The following MGMT variants were observed in gnomAD, a reference collection of about 807,000 sequenced individuals.
The protein encoded by MGMT is methylated-DNA--protein-cysteine methyltransferase.
Under a neutral mutation model 15.9 loss-of-function variants are expected in MGMT, and 14 were observed. That is an observed-to-expected ratio of 0.88 (90% CI 0.58 to 1.37). MGMT has a LOEUF of 1.37. MGMT is among the 40% of genes most tolerant of loss of function. The pLI is 0.00. For missense variants in MGMT, 282 were observed against 268.1 expected (o/e 1.05, Z -0.36); for synonymous variants, 130 against 118.2 (o/e 1.10, Z -0.65).
At chr10:129,573,487 C>T (rs1846443347) in intron 2 of MGMT, among the ~76,000 whole-genome samples, 1 of 152,112 alleles carries the variant, frequency 6.6e-6, no homozygotes, top group Non-Finnish European at 1.5e-5. Context: ...GGTGCTTACA[C>T]AAAGGCCTTT....
chr10:129,488,040 C>CACACACAT (rs1196132625), intron 1 of MGMT, among the ~76,000 whole-genome samples: 1 of 148,486 alleles, frequency 6.7e-6, no homozygotes, highest in South Asian at 2.1e-4. Context: ...CACACACACA[C>CACACACAT]ATGAATATAC....
chr10:129,526,641 A>G (rs966858189), intron 1 of MGMT, among the ~76,000 whole-genome samples: 12 of 152,192 alleles, frequency 7.9e-5, no homozygotes, highest in African/African-American at 2.7e-4. Context: ...CCGCAGGTGC[A>G]CGTCACCACA....
intron 2 of MGMT, among the ~76,000 whole-genome samples, chr10:129,564,324 C>CT (rs1302258522): frequency 3.7e-4 from 16 of 43,500 alleles, no homozygotes; most frequent in East Asian, 3.2e-3. Flanking sequence ...CTTCCTCCCC[C>CT]CTCTTTCCTC....
chr10:129,524,210 C>T (rs1450187008), intron 1 of MGMT, among the ~76,000 whole-genome samples: 1 of 152,244 alleles, frequency 6.6e-6, no homozygotes, highest in African/African-American at 2.4e-5. Flanking sequence ...TGCACTACCT[C>T]CCGCCCTCAA....
At chr10:129,526,070 C>T (rs1274415765) in intron 1 of MGMT, among the ~76,000 whole-genome samples, 3 of 152,194 alleles carry the variant, frequency 2.0e-5, no homozygotes, top group South Asian at 2.1e-4. Context: ...CTGGATGTGA[C>T]CCAGCCGAAT....
chr10:129,513,587 A>G (rs925643453), intron 1 of MGMT, among the ~76,000 whole-genome samples: 1 of 151,978 alleles, frequency 6.6e-6, no homozygotes, highest in Admixed American at 6.5e-5. Flanking sequence ...AGGAAACGTG[A>G]CCCCGCGGCT....
chr10:129,499,328 AT>A (rs1845553080), intron 1 of MGMT, among the ~76,000 whole-genome samples: 2 of 152,206 alleles, frequency 1.3e-5, no homozygotes, highest in Admixed American at 1.3e-4. Context: ...TTCATTACTT[AT>A]TTCGTTACTC....
intron 2 of MGMT, among the ~76,000 whole-genome samples, chr10:129,690,987 G>A (rs575712310): frequency 1.3e-5 from 2 of 152,324 alleles, no homozygotes; most frequent in African/African-American, 4.8e-5. Context: ...ACTGGAGTGT[G>A]AAGAGGCCAG....
chr10:129,741,866 C>T (rs1309420344), intron 3 of MGMT, among the ~76,000 whole-genome samples: 2 of 152,150 alleles, frequency 1.3e-5, no homozygotes, highest in African/African-American at 2.4e-5. Context: ...CTGGGCCCAC[C>T]GTCCAGGCCT....
chr10:129,576,274 C>G (rs995975789), intron 2 of MGMT, among the ~76,000 whole-genome samples: 3 of 152,066 alleles, frequency 2.0e-5, no homozygotes, highest in Non-Finnish European at 4.4e-5. Context: ...AACATTGATG[C>G]AAAAATCCTC....
intron 3 of MGMT, among the ~76,000 whole-genome samples, chr10:129,710,433 C>T (rs768825392): frequency 2.6e-5 from 4 of 152,160 alleles, no homozygotes; most frequent in Non-Finnish European, 4.4e-5. Context: ...GGCTGGAGTC[C>T]CCTGGGCCAG....
chr10:129,521,786 C>T (rs1050004957), intron 1 of MGMT, among the ~76,000 whole-genome samples: 4 of 152,366 alleles, frequency 2.6e-5, no homozygotes, highest in Middle Eastern at 3.4e-3. Context: ...GAGGCTGCAC[C>T]TTGCTGTCCA....
At chr10:129,765,853 C>T (rs979809206) in intron 4 of MGMT, among the ~76,000 whole-genome samples, 1 of 152,140 alleles carries the variant, frequency 6.6e-6, no homozygotes, top group African/African-American at 2.4e-5. Context: ...TACATGGAAA[C>T]CAGAGGCAGG....
intron 2 of MGMT, among the ~76,000 whole-genome samples, chr10:129,689,592 C>G (rs2133126770): frequency 6.6e-6 from 1 of 152,262 alleles, no homozygotes; most frequent in East Asian, 1.9e-4. Flanking sequence ...CTTCGGTTAC[C>G]ACAAGCACAC....
At chr10:129,680,012 T>C (rs969524705) in intron 2 of MGMT, among the ~76,000 whole-genome samples, 1 of 152,166 alleles carries the variant, frequency 6.6e-6, no homozygotes, top group African/African-American at 2.4e-5. Context: ...GGCTGGAAAA[T>C]GTCTTCGATT....
intron 2 of MGMT, among the ~76,000 whole-genome samples, chr10:129,654,913 A>G (rs1176845164): frequency 1.3e-5 from 2 of 152,188 alleles, no homozygotes; most frequent in African/African-American, 4.8e-5. Flanking sequence ...CTTCTAACTC[A>G]GAGAAGTGGG....
intron 3 of MGMT, among the ~76,000 whole-genome samples, chr10:129,744,501 C>T (rs553404183): frequency 7.4e-4 from 112 of 152,340 alleles, no homozygotes; most frequent in African/African-American, 2.5e-3. Context: ...AAGCTGGGCG[C>T]ACCTCCTCCA....
Position 129,640,601 on chromosome 10 carries a change from A to T in MGMT, c.126-67294A>T, listed in dbSNP as rs561432897. On this transcript the variant is annotated intron_variant, in intron 2 of 4. Transcript: ENST00000651593. Reference sequence around the variant, plus strand: ...ATTCTTCCAGAAAATACACGAGGAAATACTTTCCAACTCTTTTTATGATGG... The same window carrying T: ...ATTCTTCCAGAAAATACACGAGGAATTACTTTCCAACTCTTTTTATGATGG... 1.8e-4 allele frequency among the ~76,000 whole-genome samples: 25 copies of T among 139,554 alleles called. No homozygotes were observed. The Middle Eastern group carries it at 0.011, about 63-fold the overall frequency. The allele number at this position is 139,554 out of a possible 152,430, so 91.6% of individuals were successfully genotyped here. A position where few individuals can be genotyped will look rare whatever the true frequency, so the allele number is the denominator to read the frequency against.
At chr10:129,748,454 A>C (rs1466656824) in intron 3 of MGMT, among the ~76,000 whole-genome samples, 1 of 151,962 alleles carries the variant, frequency 6.6e-6, no homozygotes, top group East Asian at 1.9e-4. Flanking sequence ...TGACTTTCTG[A>C]TACTGCAAGA....
Sources: allele counts gnomAD v4.1 joint callset (sites outside exome capture counted in the v4.1 genomes callset), GRCh38; gene constraint gnomAD v4.1.1; transcripts MANE v1.5; gene names NCBI Gene and HGNC (gene_info 2026-07-23, HGNC 2026-07-21).